SLC41A2: variants seen among roughly 807,000 people sequenced by gnomAD.
SLC41A2 encodes the protein SLC41A1-like 1.
Under a neutral mutation model 58.3 loss-of-function variants are expected in SLC41A2, and 32 were observed. The observed-to-expected ratio is 0.55, with a 90% CI of 0.41 to 0.74. The LOEUF is 0.74. SLC41A2 is among the 30% of genes least tolerant of loss of function. The probability of loss-of-function intolerance (pLI) is 0.00; values close to 1 mark genes in which losing one functional copy is unlikely to be tolerated. For synonymous variants in SLC41A2, 190 were observed against 235.0 expected (o/e 0.81, Z 1.75); for missense variants, 514 against 680.6 (o/e 0.76, Z 2.72).
chr12:104,841,641 A>G (rs1052835342), intron 10 of SLC41A2, among the ~76,000 whole-genome samples: 1 of 152,138 alleles, frequency 6.6e-6, no homozygotes, highest in Non-Finnish European at 1.5e-5. Flanking sequence ...TCAGATATTC[A>G]AGAAAGGCTT....
At chr12:104,853,673 T>A (rs888002556) in intron 8 of SLC41A2, among the ~76,000 whole-genome samples, 2 of 151,980 alleles carry the variant, frequency 1.3e-5, no homozygotes, top group African/African-American at 4.8e-5. Flanking sequence ...ATTTTCTACT[T>A]CCTTTACCAT....
intron 10 of SLC41A2, among the ~76,000 whole-genome samples, chr12:104,806,634 C>T (rs1241496799): frequency 1.2e-4 from 18 of 151,530 alleles, no homozygotes; most frequent in South Asian, 2.1e-4. Context: ...CCTGAGGAAT[C>T]GCCACACTGA....
At chr12:104,870,359 A>G (rs2043706906) in intron 6 of SLC41A2, among the ~76,000 whole-genome samples, 1 of 152,226 alleles carries the variant, frequency 6.6e-6, no homozygotes, top group Non-Finnish European at 1.5e-5. Flanking sequence ...TTATTCCTAT[A>G]TAACTCATTT....
At chr12:104,948,725 A>G (rs1015257548) in intron 1 of SLC41A2, among the ~76,000 whole-genome samples, 3 of 152,230 alleles carry the variant, frequency 2.0e-5, no homozygotes, top group African/African-American at 7.2e-5. Context: ...CCATGGGCAC[A>G]AGGATGATAG....
chr12:104,920,654 G>T (rs1283698781), intron 2 of SLC41A2, among the ~76,000 whole-genome samples: 2 of 152,024 alleles, frequency 1.3e-5, no homozygotes, highest in Non-Finnish European at 2.9e-5. Flanking sequence ...GCTGGGCGTG[G>T]TGGCTCACAC....
At chr12:104,950,139 A>C (rs1381349405) in intron 1 of SLC41A2, among the ~76,000 whole-genome samples, 2 of 152,128 alleles carry the variant, frequency 1.3e-5, no homozygotes, top group East Asian at 3.9e-4. Context: ...AGGAAGAATA[A>C]ATAACTTCCA....
At chr12:104,859,340 C>G (rs2043124967) in intron 8 of SLC41A2, among the ~76,000 whole-genome samples, 1 of 152,170 alleles carries the variant, frequency 6.6e-6, no homozygotes, top group African/African-American at 2.4e-5. Flanking sequence ...CTATTAGTGA[C>G]ACTTAATTTG....
intron 8 of SLC41A2, among the ~76,000 whole-genome samples, chr12:104,849,880 C>T (rs1196696047): frequency 6.6e-6 from 1 of 152,156 alleles, no homozygotes; most frequent in Non-Finnish European, 1.5e-5. Flanking sequence ...GCATACTCTA[C>T]AATCTAGCAA....
chr12:104,926,835 A>G (rs574407912), intron 2 of SLC41A2, among the ~76,000 whole-genome samples: 1 of 152,206 alleles, frequency 6.6e-6, no homozygotes, highest in Non-Finnish European at 1.5e-5. Flanking sequence ...TGCAATCCCT[A>G]GCACTTTGGA....
In SLC41A2 at chr12:104,898,738, T is replaced by A. The variant is rs34475113; in HGVS notation, c.664-3393A>T. ...AACAGATATTTGCAAAAGAAATATC[T>A]AATAAAGGGCTGCTATCCAAAATAC... is the stretch of plus-strand genomic sequence containing the variant. On this transcript the variant is annotated intron_variant, in intron 3 of 10. Transcript: ENST00000258538. 9.5e-3 allele frequency among the ~76,000 whole-genome samples: 1,451 copies of A among 152,204 alleles called. 30 individuals are homozygous for A. Among genetic ancestry groups the A allele is most frequent in the Non-Finnish European group, 0.012 (835 of 67,990 alleles).
In SLC41A2 at chr12:104,915,443, A is replaced by C. The variant is rs1281137712; in HGVS notation, c.556-5681T>G. On this transcript the variant is annotated intron_variant, in intron 2 of 10. Coordinates refer to ENST00000258538, the MANE Select transcript of SLC41A2 (RefSeq NM_001352171.3). ...TTTGTTTGTATCCTCTTTTTATTTCATTGAGCAGTGGTGTGTAGTTCTCCT... is the reference window on the plus strand; with the variant it reads ...TTTGTTTGTATCCTCTTTTTATTTCCTTGAGCAGTGGTGTGTAGTTCTCCT... Among the ~76,000 whole-genome samples, 5 of 152,252 alleles carry C rather than the reference A, an allele frequency of 3.3e-5. No homozygotes were observed. In the East Asian group the frequency reaches 9.7e-4, roughly 29 times the overall value.
intron 5 of SLC41A2, among the ~76,000 whole-genome samples, chr12:104,887,505 T>A (rs1031674860): frequency 6.6e-6 from 1 of 151,840 alleles, no homozygotes; most frequent in Non-Finnish European, 1.5e-5. Context: ...GGAGGCTTTT[T>A]AAATTACTAG....
At chr12:104,855,662 A>G (rs1227073757) in intron 8 of SLC41A2, among the ~76,000 whole-genome samples, 1 of 152,212 alleles carries the variant, frequency 6.6e-6, no homozygotes, top group East Asian at 1.9e-4. Context: ...CTGATCACTG[A>G]ATAAACAGTC....
chr12:104,886,474 T>C, intron 5 of SLC41A2, 35 bp from the exon 6 acceptor site: 3 of 1,600,874 alleles, frequency 1.9e-6, no homozygotes, highest in Admixed American at 1.7e-5. Context: ...TTTTAGGCTA[T>C]GATTTAAAGA....
chr12:104,942,251 GGTGGATCGCTT>G (rs1270058249), intron 1 of SLC41A2, among the ~76,000 whole-genome samples: 1 of 152,130 alleles, frequency 6.6e-6, no homozygotes, highest in Non-Finnish European at 1.5e-5. Context: ...GGCCGAGGCA[GGTGGATCGCTT>G]GAGCCAGGGA....
At chr12:104,937,269 A>C (rs1052859347) in intron 1 of SLC41A2, among the ~76,000 whole-genome samples, 2 of 152,238 alleles carry the variant, frequency 1.3e-5, no homozygotes, top group Non-Finnish European at 2.9e-5. Context: ...ACATTCACTC[A>C]CCATTCACTT....
intron 10 of SLC41A2, among the ~76,000 whole-genome samples, chr12:104,819,027 T>C (rs1462614453): frequency 1.3e-5 from 2 of 152,136 alleles, no homozygotes; most frequent in African/African-American, 4.8e-5. Context: ...ATCAACAAAT[T>C]TGATCTAATG....
At chr12:104,878,591 C>T (rs11112222) in intron 6 of SLC41A2, among the ~76,000 whole-genome samples, 11,156 of 151,946 alleles carry the variant, frequency 0.073, 476 homozygotes, top group Middle Eastern at 0.11. Context: ...CAACAGTTTG[C>T]TCAGAATGAT....
chr12:104,925,796 GT>G (rs1267938292), intron 2 of SLC41A2, among the ~76,000 whole-genome samples: 1 of 152,020 alleles, frequency 6.6e-6, no homozygotes, highest in Non-Finnish European at 1.5e-5. Flanking sequence ...TCCTATAGAT[GT>G]TACCATTCTA....
Sources: gnomAD v4.1 joint callset for allele counts (sites outside exome capture counted in the v4.1 genomes callset) on GRCh38, gnomAD v4.1.1 for gene constraint, MANE v1.5 for transcripts, NCBI Gene and HGNC (gene_info 2026-07-23, HGNC 2026-07-21) for gene names.